The following GUCY1A2 variants were observed in gnomAD, a reference collection of about 807,000 sequenced individuals.
GUCY1A2 encodes the protein guanylate cyclase 1 soluble subunit alpha 2.
Under a neutral mutation model 63.5 loss-of-function variants are expected in GUCY1A2, and 27 were observed. The observed-to-expected ratio is 0.43, with a 90% CI of 0.31 to 0.59. The LOEUF (loss-of-function observed/expected upper bound fraction) is 0.59. Ranked by LOEUF, GUCY1A2 falls within the 20% of genes least tolerant of loss-of-function variation. The pLI, the probability that GUCY1A2 is intolerant of heterozygous loss-of-function variation, is 0.11. For synonymous variants in GUCY1A2, 364 were observed against 343.5 expected (o/e 1.06, Z -0.66); for missense variants, 768 against 913.3 (o/e 0.84, Z 2.05).
At chr11:106,907,422 T>C (rs1416794530) in intron 4 of GUCY1A2, among the ~76,000 whole-genome samples, 2 of 151,784 alleles carry the variant, frequency 1.3e-5, no homozygotes, top group East Asian at 1.9e-4. Context: ...ATTATTATTA[T>C]ACTTTAAGTT....
chr11:106,779,576 T>C (rs1332296666), intron 5 of GUCY1A2, among the ~76,000 whole-genome samples: 2 of 152,164 alleles, frequency 1.3e-5, no homozygotes, highest in Non-Finnish European at 2.9e-5. Context: ...GCTCTGAACA[T>C]CCAAGTTCCT....
chr11:106,897,926 G>C (rs1860074245), intron 4 of GUCY1A2, among the ~76,000 whole-genome samples: 1 of 152,112 alleles, frequency 6.6e-6, no homozygotes, highest in African/African-American at 2.4e-5. Context: ...ACAAGCCACA[G>C]ACTGGGAGAA....
At chr11:106,728,317 C>T (rs1248249117) in intron 6 of GUCY1A2, among the ~76,000 whole-genome samples, 1 of 151,634 alleles carries the variant, frequency 6.6e-6, no homozygotes. Context: ...CTTTACTAGC[C>T]ACAGTTTATC....
intron 3 of GUCY1A2, among the ~76,000 whole-genome samples, chr11:106,955,120 G>A (rs1860965785): frequency 6.6e-6 from 1 of 152,052 alleles, no homozygotes; most frequent in Non-Finnish European, 1.5e-5. Flanking sequence ...TTACAGGCAT[G>A]TGCCACCATG....
At chr11:106,951,131 C>T (rs1005252900) in intron 3 of GUCY1A2, among the ~76,000 whole-genome samples, 1 of 152,172 alleles carries the variant, frequency 6.6e-6, no homozygotes, top group Non-Finnish European at 1.5e-5. Context: ...TTTCTTTATC[C>T]AGTCTATCAT....
At chr11:106,853,734 G>A (rs1476832731) in intron 4 of GUCY1A2, among the ~76,000 whole-genome samples, 1 of 152,074 alleles carries the variant, frequency 6.6e-6, no homozygotes, top group East Asian at 1.9e-4. Flanking sequence ...GTGTCCTTAT[G>A]TTGATACCTC....
chr11:107,018,080 G>C lies in GUCY1A2; in HGVS notation c.-25C>G. On this transcript the variant is annotated 5_prime_UTR_variant, in exon 1 of 8. Transcript: ENST00000526355. Reference sequence around the variant, plus strand: ...TGCTGCCGGCGGAGCTGCAGCGGCCGAGGCGGTGGCGGCGAGGACGCGAGC... The same window carrying C: ...TGCTGCCGGCGGAGCTGCAGCGGCCCAGGCGGTGGCGGCGAGGACGCGAGC... 2 of 1,413,652 alleles carry C rather than the reference G, an allele frequency of 1.4e-6. No homozygotes were observed. The highest frequency in any genetic ancestry group is 9.4e-7 in the Non-Finnish European group (1 of 1,068,704). The allele number at this position is 1,413,652 out of a possible 1,614,324, so 87.6% of individuals were successfully genotyped here. A position where few individuals can be genotyped will look rare whatever the true frequency, so the allele number is the denominator to read the frequency against.
intron 3 of GUCY1A2, among the ~76,000 whole-genome samples, chr11:106,970,138 T>C (rs541246111): frequency 2.4e-4 from 36 of 152,264 alleles, no homozygotes; most frequent in Admixed American, 9.2e-4. Context: ...TCAGGCAAGC[T>C]GGGGGTTAGG....
At chr11:106,841,209 C>G (rs1046054224) in intron 4 of GUCY1A2, among the ~76,000 whole-genome samples, 2 of 151,782 alleles carry the variant, frequency 1.3e-5, no homozygotes, top group Admixed American at 1.3e-4. Flanking sequence ...TCTACTGCCC[C>G]CAGCTGCCCT....
chr11:106,984,632 G>A (rs1236618405), intron 2 of GUCY1A2, among the ~76,000 whole-genome samples: 1 of 151,830 alleles, frequency 6.6e-6, no homozygotes, highest in East Asian at 2.0e-4. Context: ...AGACTTTGAT[G>A]ATGGATATTG....
intron 6 of GUCY1A2, among the ~76,000 whole-genome samples, chr11:106,764,336 T>A (rs142464680): frequency 6.6e-6 from 1 of 152,204 alleles, no homozygotes; most frequent in East Asian, 1.9e-4. Context: ...TATTAATACA[T>A]TCCAGTTGTA....
intron 1 of GUCY1A2, among the ~76,000 whole-genome samples, chr11:107,001,111 T>C (rs1460856076): frequency 6.6e-6 from 1 of 152,204 alleles, no homozygotes; most frequent in African/African-American, 2.4e-5. Context: ...TTGGGAAGAC[T>C]TTATACAAGA....
intron 6 of GUCY1A2, among the ~76,000 whole-genome samples, chr11:106,755,612 G>T (rs1863959393): frequency 6.6e-6 from 1 of 152,192 alleles, no homozygotes; most frequent in Admixed American, 6.5e-5. Context: ...GTACCCAGTA[G>T]TCATTCAGGA....
At chr11:106,883,699 G>C (rs892462895) in intron 4 of GUCY1A2, among the ~76,000 whole-genome samples, 1 of 152,028 alleles carries the variant, frequency 6.6e-6, no homozygotes, top group Non-Finnish European at 1.5e-5. Context: ...TACTCTCAAA[G>C]ATAAGAGGCT....
intron 5 of GUCY1A2, among the ~76,000 whole-genome samples, chr11:106,779,733 T>A (rs1006203551): frequency 1.3e-5 from 2 of 152,236 alleles, no homozygotes; most frequent in African/African-American, 4.8e-5. Flanking sequence ...TAGTTAGTTA[T>A]ATGTTGCATT....
chr11:106,953,909 C>T (rs1860946342), intron 3 of GUCY1A2, among the ~76,000 whole-genome samples: 1 of 151,934 alleles, frequency 6.6e-6, no homozygotes, highest in Non-Finnish European at 1.5e-5. Flanking sequence ...TGATTCTTCT[C>T]TCTCTTATTA....
chr11:106,877,468 T>C (rs1314564417), intron 4 of GUCY1A2, among the ~76,000 whole-genome samples: 5 of 151,934 alleles, frequency 3.3e-5, no homozygotes, highest in East Asian at 1.9e-4. Flanking sequence ...CGGAACAAAA[T>C]AGAGAGCCCA....
At chr11:106,735,039 G>T (rs1863565634) in intron 6 of GUCY1A2, among the ~76,000 whole-genome samples, 1 of 150,750 alleles carries the variant, frequency 6.6e-6, no homozygotes, top group African/African-American at 2.4e-5. Context: ...ATATTTATGG[G>T]GTACATAAGT....
chr11:106,810,644 A>C (rs1351286823), intron 4 of GUCY1A2, among the ~76,000 whole-genome samples, 166 bp from the exon 5 acceptor site: 2 of 152,180 alleles, frequency 1.3e-5, no homozygotes, highest in African/African-American at 4.8e-5. Context: ...TTTAAAATTC[A>C]TGGTTCTGAA....
Sources: allele counts gnomAD v4.1 joint callset (sites outside exome capture counted in the v4.1 genomes callset), GRCh38; gene constraint gnomAD v4.1.1; transcripts MANE v1.5; gene names NCBI Gene and HGNC (gene_info 2026-07-23, HGNC 2026-07-21).